The following C7 variants were observed in gnomAD, a reference collection of about 807,000 sequenced individuals.
C7 encodes the protein complement C7.
Under a neutral mutation model 104.8 loss-of-function variants are expected in C7, and 83 were observed. The ratio of observed to expected loss-of-function variants is 0.79; its 90% confidence interval spans 0.66 to 0.95. The LOEUF is 0.95. Ranked by LOEUF, C7 falls within the 40% of genes least tolerant of loss-of-function variation. The pLI is 0.00. For synonymous variants in C7, 415 were observed against 360.6 expected (o/e 1.15, Z -1.71); for missense variants, 1,070 against 1,011.2 (o/e 1.06, Z -0.79).
At chr5:40,943,690 TG>T (rs1739990519) in intron 6 of C7, among the ~76,000 whole-genome samples, 5 of 148,808 alleles carry the variant, frequency 3.4e-5, no homozygotes, top group Admixed American at 3.3e-4. Context: ...CATATATGTG[TG>T]TGTGTGTATA....
rs529835413 is a variant in C7 at position 40,974,650 on chromosome 5, C to T, written c.2074+2056C>T. ...AGTCAGGATGGTCCCGATCTCCTGA[C>T]CTCATGATCCGCCCGCCTCGGCCTC... On this transcript the variant is annotated intron_variant, in intron 15 of 17. Transcript: ENST00000313164. Among the ~76,000 whole-genome samples, 5 of 152,216 alleles carry T rather than the reference C, an allele frequency of 3.3e-5. No homozygotes were observed. In the East Asian group the frequency reaches 9.7e-4, roughly 29 times the overall value.
intron 14 of C7, among the ~76,000 whole-genome samples, chr5:40,967,156 C>T (rs1740574330): frequency 6.6e-6 from 1 of 151,308 alleles, no homozygotes; most frequent in Non-Finnish European, 1.5e-5. Context: ...ACCTCCGCCT[C>T]CTGGGTTCAA....
At chr5:40,942,987 C>G (rs1156788404) in intron 6 of C7, among the ~76,000 whole-genome samples, 2 of 152,214 alleles carry the variant, frequency 1.3e-5, no homozygotes, top group African/African-American at 2.4e-5. Flanking sequence ...TGGTCTCCAT[C>G]TCCTGACCTT....
chr5:40,959,652 T>G, intron 12 of C7, 32 bp downstream of exon 12: 1 of 1,505,708 alleles, frequency 6.6e-7, no homozygotes, highest in Non-Finnish European at 9.0e-7. Context: ...GGCAGTTGCA[T>G]AGAACACAGT....
Position 40,959,534 on chromosome 5 carries a change from C to A in C7, c.1575C>A (p.Asn525Lys), listed in dbSNP as rs755005711. The A allele has an allele frequency of 6.2e-7, 1 of 1,611,468 alleles. No individual in the cohort carries two copies. The highest frequency in any genetic ancestry group is 8.5e-7 in the Non-Finnish European group (1 of 1,179,312). The change falls in exon 12 of 18, where the codon AAC becomes AAA. Residue 525 changes from asparagine (N) to lysine (K), a missense_variant. Coordinates refer to ENST00000313164, the MANE Select transcript of C7 (RefSeq NM_000587.4). ...GKKTRSRECN[N>K]PPPSGGGRSC... ...AAACAAGAAGCCGTGAATGCAATAACCCACCTCCCAGTGGGGGTGGGAGAT... is the reference window on the plus strand; with the variant it reads ...AAACAAGAAGCCGTGAATGCAATAAACCACCTCCCAGTGGGGGTGGGAGAT...
intron 15 of C7, among the ~76,000 whole-genome samples, chr5:40,975,283 C>T (rs755482527): frequency 3.3e-5 from 5 of 151,822 alleles, no homozygotes; most frequent in Non-Finnish European, 7.4e-5. Flanking sequence ...CATGTTTTAC[C>T]ACTAATGTCT....
chr5:40,959,671 C>T, intron 12 of C7, 51 bp downstream of exon 12: 1 of 1,369,458 alleles, frequency 7.3e-7, no homozygotes. Context: ...GTACCCTCTG[C>T]AGTTAGCATG....
At chr5:40,944,895 T>G (rs1371836114) in intron 6 of C7, among the ~76,000 whole-genome samples, 1 of 152,222 alleles carries the variant, frequency 6.6e-6, no homozygotes, top group Non-Finnish European at 1.5e-5. Flanking sequence ...TAGCTTTTGT[T>G]AATTTGCTCG....
chr5:40,937,418 T>C (rs1739838508), intron 5 of C7, 134 bp from the exon 6 acceptor site: 1 of 794,082 alleles, frequency 1.3e-6, no homozygotes, highest in Admixed American at 3.1e-5. Context: ...TTGAACTCTC[T>C]CAAAGAAGTG....
intron 1 of C7, among the ~76,000 whole-genome samples, chr5:40,922,439 G>A (rs188085330): frequency 3.0e-5 from 4 of 132,864 alleles, no homozygotes; most frequent in African/African-American, 1.1e-4. Context: ...CAGTGGCTCA[G>A]AGCTGTAATC....
At chr5:40,926,666 C>T (rs1029486104) in intron 1 of C7, among the ~76,000 whole-genome samples, 1 of 152,038 alleles carries the variant, frequency 6.6e-6, no homozygotes, top group African/African-American at 2.4e-5. Flanking sequence ...TTTTCAATAA[C>T]TACAAAAATA....
intron 15 of C7, among the ~76,000 whole-genome samples, chr5:40,973,593 G>A (rs995856781): frequency 1.3e-5 from 2 of 152,214 alleles, no homozygotes; most frequent in East Asian, 1.9e-4. Context: ...CGTCCTTGGA[G>A]TGCCCTCCCT....
chr5:40,910,910 C>T (rs986962735), intron 1 of C7, among the ~76,000 whole-genome samples: 6 of 151,488 alleles, frequency 4.0e-5, no homozygotes, highest in Admixed American at 3.9e-4. Context: ...CTTTATTTTA[C>T]AATAAGAAAT....
chr5:40,971,952 G>T (rs948431941), intron 14 of C7: 2 of 417,256 alleles, frequency 4.8e-6, no homozygotes, highest in Admixed American at 5.5e-5. Context: ...GACAGACCCT[G>T]TCCCTAAAAA....
At chr5:40,914,340 T>C (rs1433170116) in intron 1 of C7, among the ~76,000 whole-genome samples, 1 of 152,192 alleles carries the variant, frequency 6.6e-6, no homozygotes, top group Non-Finnish European at 1.5e-5. Context: ...ATTGTTTGAG[T>C]TTCTTGTAGA....
intron 1 of C7, chr5:40,911,132 C>A (rs1157573849): frequency 6.6e-6 from 1 of 152,102 alleles, no homozygotes; most frequent in African/African-American, 2.4e-5. Flanking sequence ...AACACTAAAG[C>A]AATTATTTCA....
At chr5:40,944,305 T>C (rs1018755036) in intron 6 of C7, among the ~76,000 whole-genome samples, 5 of 152,228 alleles carry the variant, frequency 3.3e-5, no homozygotes, top group Non-Finnish European at 7.3e-5. Flanking sequence ...GCAAATTAGT[T>C]GTCTATAACT....
intron 6 of C7, among the ~76,000 whole-genome samples, chr5:40,940,811 CAG>C (rs1450130040): frequency 6.6e-6 from 1 of 151,992 alleles, no homozygotes; most frequent in African/African-American, 2.4e-5. Flanking sequence ...AATGATAAAA[CAG>C]AGGCAAAAAA....
At chr5:40,951,891 CTATT>C (rs1740178806) in intron 9 of C7, among the ~76,000 whole-genome samples, 1 of 152,148 alleles carries the variant, frequency 6.6e-6, no homozygotes, top group South Asian at 2.1e-4. Flanking sequence ...CATTCATCAA[CTATT>C]TATGGAGTCT....
Sources: allele counts gnomAD v4.1 joint callset (sites outside exome capture counted in the v4.1 genomes callset), GRCh38; gene constraint gnomAD v4.1.1; transcripts MANE v1.5; gene names NCBI Gene and HGNC (gene_info 2026-07-23, HGNC 2026-07-21).